The following ARHGAP39 variants were observed in gnomAD, a reference collection of about 807,000 sequenced individuals.
ARHGAP39 encodes the protein Rho GTPase activating protein 39, also known as rho GTPase-activating protein 39.
In ARHGAP39, 44 loss-of-function variants were observed where a neutral mutation model predicts 106.9. The ratio of observed to expected loss-of-function variants is 0.41; its 90% CI spans 0.32 to 0.53. ARHGAP39 has a LOEUF of 0.53. Among genes scored for constraint, ARHGAP39 ranks in the 20% least tolerant of loss-of-function variants. The pLI, the probability that ARHGAP39 is intolerant of heterozygous loss-of-function variation, is 0.21. For missense variants in ARHGAP39, 1,496 were observed against 1,577.3 expected, an observed-to-expected ratio of 0.95 and a Z score of 0.87; for synonymous variants, 768 against 693.2, an observed-to-expected ratio of 1.11 and a Z score of -1.69.
At chr8:144,673,619 G>T (rs956028826) in intron 1 of ARHGAP39, among the ~76,000 whole-genome samples, 1 of 152,130 alleles carries the variant, frequency 6.6e-6, no homozygotes, top group African/African-American at 2.4e-5. Context: ...TCACATAAAC[G>T]GAATTGTCAT....
Position 144,530,407 on chromosome 8 carries a change from C to T in ARHGAP39, c.*15G>A, listed in dbSNP as rs754099493. The T allele has an allele frequency of 5.1e-6, 8 of 1,580,536 alleles. No individual in the cohort carries two copies. The highest frequency in any genetic ancestry group is 6.9e-6 in the Non-Finnish European group (8 of 1,160,568). Reference sequence around the variant, plus strand: ...GGGGGCGGCAGGACATCCCTCCTGTCCCCGGGCGCCCCCGCTACAGCACAC... The same window carrying T: ...GGGGGCGGCAGGACATCCCTCCTGTTCCCGGGCGCCCCCGCTACAGCACAC... On this transcript the variant is annotated 3_prime_UTR_variant, in exon 12 of 12. Coordinates refer to ENST00000377307, the MANE Select transcript of ARHGAP39 (RefSeq NM_025251.3).
At chr8:144,593,708 G>A (rs1466496617) in intron 2 of ARHGAP39, among the ~76,000 whole-genome samples, 2 of 152,084 alleles carry the variant, frequency 1.3e-5, no homozygotes, top group Non-Finnish European at 2.9e-5. Context: ...GTAACAACAG[G>A]GTAGGAGGCT....
intron 3 of ARHGAP39, among the ~76,000 whole-genome samples, chr8:144,562,515 A>G (rs1024916124): frequency 1.3e-5 from 2 of 148,684 alleles, no homozygotes; most frequent in Admixed American, 1.3e-4. Context: ...GACTCACTCC[A>G]GTGGTTTCCA....
chr8:144,619,420 G>A (rs1355776251), intron 1 of ARHGAP39, among the ~76,000 whole-genome samples: 1 of 152,034 alleles, frequency 6.6e-6, no homozygotes, highest in Admixed American at 6.6e-5. Flanking sequence ...CCGTGTGCGT[G>A]AGCCCGTGTG....
Position 144,591,389 on chromosome 8 carries a change from T to C in ARHGAP39, c.81-10112A>G, listed in dbSNP as rs1819388373. Among the ~76,000 whole-genome samples, 1 of 152,106 alleles carries C rather than the reference T, an allele frequency of 6.6e-6. No individual in the cohort carries two copies. The highest frequency in any genetic ancestry group is 2.1e-4 in the South Asian group (1 of 4,826). On this transcript the variant is annotated intron_variant, in intron 2 of 11. Transcript: ENST00000377307. The surrounding 1 kb of genome is among the most constrained non-coding windows in gnomAD (Gnocchi z 5.3). ...CTGCAAGCAGACATCTGCAGGAAAC[T>C]TGTCTTGAGGCCTGGGGGGACCAAA...
Position 144,547,120 on chromosome 8 carries a change from C to A in ARHGAP39, c.1959+7G>T. The A allele has an allele frequency of 6.3e-7, 1 of 1,579,600 alleles. No homozygotes were observed. Among genetic ancestry groups the A allele is most frequent in the Non-Finnish European group, 8.6e-7 (1 of 1,162,624 alleles). On this transcript the variant is annotated splice_region_variant and intron_variant, in intron 5 of 11. Coordinates refer to ENST00000377307, the MANE Select transcript of ARHGAP39 (RefSeq NM_025251.3). The surrounding 1 kb of genome is among the most constrained non-coding windows in gnomAD (Gnocchi z 5.2). ...CTCAAGCTCAGCCGCGCCCATTGGG[C>A]CCTCACCTGTGAGGGGTGGAGGTAG...
intron 1 of ARHGAP39, among the ~76,000 whole-genome samples, chr8:144,678,984 G>A (rs1822315564): frequency 6.6e-6 from 1 of 152,116 alleles, no homozygotes; most frequent in Admixed American, 6.5e-5. Flanking sequence ...GAACTGGCAA[G>A]AGGACCTGGA....
chr8:144,608,860 A>C (rs1270131995), intron 1 of ARHGAP39, among the ~76,000 whole-genome samples: 2 of 152,162 alleles, frequency 1.3e-5, no homozygotes, highest in African/African-American at 4.8e-5. Flanking sequence ...ATAATTTCCA[A>C]TTTTTTGTTG....
At chr8:144,628,599 GT>G (rs1820983857) in intron 1 of ARHGAP39, among the ~76,000 whole-genome samples, 1 of 152,180 alleles carries the variant, frequency 6.6e-6, no homozygotes, top group Non-Finnish European at 1.5e-5. Flanking sequence ...AACTGACAGG[GT>G]GGGCAGACAA....
At chr8:144,532,939 C>T (rs1816787837) in intron 9 of ARHGAP39, among the ~76,000 whole-genome samples, 187 bp downstream of exon 9, 1 of 152,242 alleles carries the variant, frequency 6.6e-6, no homozygotes, top group Non-Finnish European at 1.5e-5. Context: ...GGGTCCTGCC[C>T]TCTCTCCTGG....
chr8:144,638,595 A>T (rs1321367166), intron 1 of ARHGAP39, among the ~76,000 whole-genome samples: 1 of 152,222 alleles, frequency 6.6e-6, no homozygotes, highest in Non-Finnish European at 1.5e-5. Flanking sequence ...CCAGTTCACA[A>T]AGTTTCTCTC....
the ARHGAP39 span, chr8:144,699,132 G>T: frequency 3.2e-6 from 1 of 309,732 alleles, no homozygotes; most frequent in Non-Finnish European, 6.3e-6. Context: ...GATGCAGGGG[G>T]TGGGGACTGT....
At chr8:144,562,445 GACTCCAGTGGTTTCCATCGC>G (rs1564849364) in intron 3 of ARHGAP39, among the ~76,000 whole-genome samples, 119 of 126,676 alleles carry the variant, frequency 9.4e-4, no homozygotes, top group African/African-American at 2.5e-3. Context: ...GTTTCCATCG[GACTCCAGTGGTTTCCATCGC>G]ACTCCAGTGG....
chr8:144,595,068 T>A (rs527863485), intron 2 of ARHGAP39, among the ~76,000 whole-genome samples: 10 of 152,328 alleles, frequency 6.6e-5, no homozygotes, highest in Admixed American at 5.9e-4. Context: ...AGTTACCACC[T>A]GACCCAGCAA....
intron 1 of ARHGAP39, among the ~76,000 whole-genome samples, chr8:144,669,093 G>A (rs1214328798): frequency 6.6e-6 from 1 of 150,948 alleles, no homozygotes. Flanking sequence ...CCAACACATG[G>A]TGCCAAGCAA....
chr8:144,650,632 T>C (rs1338415405), intron 1 of ARHGAP39, among the ~76,000 whole-genome samples: 2 of 152,068 alleles, frequency 1.3e-5, no homozygotes, highest in Admixed American at 1.3e-4. Flanking sequence ...ATTCATCAAA[T>C]AAATAGGACT....
At chr8:144,581,374 C>A in intron 2 of ARHGAP39, 97 bp from the exon 3 acceptor site, 1 of 1,304,984 alleles carries the variant, frequency 7.7e-7, no homozygotes, top group Non-Finnish European at 1.0e-6. Context: ...GCTGCGAAAC[C>A]CAGAAATCCT....
rs930558035 is a variant in ARHGAP39, at chr8:144,633,350, T to C, written c.-81-27655A>G. On this transcript the variant is annotated intron_variant, in intron 1 of 11. Transcript: ENST00000377307. Reference sequence around the variant, plus strand: ...GGCATGTACCTGTAATCCCAGCTACTTGGGAGGCTGAGGCAGGAGAATCGC... The same window carrying C: ...GGCATGTACCTGTAATCCCAGCTACCTGGGAGGCTGAGGCAGGAGAATCGC... 2.7e-5 allele frequency among the ~76,000 whole-genome samples: 4 copies of C among 150,784 alleles called. No individual in the cohort carries two copies. In the East Asian group the frequency reaches 7.9e-4, roughly 30 times the overall value.
rs1323802520 is a variant in ARHGAP39 at position 144,647,393 on chromosome 8, T to G, written c.-82+38293A>C. On this transcript the variant is annotated intron_variant, in intron 1 of 11. Coordinates refer to ENST00000377307, the MANE Select transcript of ARHGAP39 (RefSeq NM_025251.3). This position sits in a 1 kb window ranked among gnomAD's most constrained non-coding sequence, Gnocchi z 4.8. ...GTGGCATCCCTGTTCTCACCCTCAC[T>G]GTGCAGAGTCCCTGAGACTTCCCCA... Among the ~76,000 whole-genome samples, 5 of 152,166 alleles carry G rather than the reference T, an allele frequency of 3.3e-5. No individual in the cohort carries two copies. Among genetic ancestry groups the G allele is most frequent in the Non-Finnish European group, 4.4e-5 (3 of 68,008 alleles).
Sources: gnomAD v4.1 joint callset for allele counts (sites outside exome capture counted in the v4.1 genomes callset) on GRCh38, gnomAD v4.1.1 for gene constraint, Gnocchi (gnomAD v3.1) non-coding constraint, MANE v1.5 for transcripts, NCBI Gene and HGNC (gene_info 2026-07-23, HGNC 2026-07-21) for gene names.